Variants in CTNND2 observed in about 807,000 individuals in gnomAD.
CTNND2 encodes the protein catenin delta-2.
A neutral mutation model predicts 144.4 loss-of-function variants in CTNND2; 22 were observed. The observed-to-expected ratio is 0.15, with a 90% CI of 0.11 to 0.22. CTNND2 has a LOEUF of 0.22. CTNND2 is among the 10% of genes least tolerant of loss of function. The pLI, the probability that CTNND2 is intolerant of heterozygous loss-of-function variation, is 1.00. For synonymous variants in CTNND2, 751 were observed against 695.6 expected, an observed-to-expected ratio of 1.08 and a Z score of -1.25; for missense variants, 1,353 against 1,618.8, an observed-to-expected ratio of 0.84 and a Z score of 2.82.
intron 18 of CTNND2, among the ~76,000 whole-genome samples, chr5:11,008,272 G>C (rs1561162909): frequency 6.6e-6 from 1 of 152,224 alleles, no homozygotes; most frequent in African/African-American, 2.4e-5. Context: ...TTGCAGATGT[G>C]ATGAAGTTAA....
intron 9 of CTNND2, among the ~76,000 whole-genome samples, chr5:11,279,507 C>T (rs1275815481): frequency 6.6e-6 from 1 of 152,118 alleles, no homozygotes; most frequent in East Asian, 1.9e-4. Flanking sequence ...TGATCTTACC[C>T]CCTGGAGTAT....
chr5:11,219,464 G>A (rs1239593695), intron 10 of CTNND2, among the ~76,000 whole-genome samples: 1 of 152,130 alleles, frequency 6.6e-6, no homozygotes, highest in Non-Finnish European at 1.5e-5. Flanking sequence ...CAGTGGACAA[G>A]TACTTCTATG....
intron 3 of CTNND2, among the ~76,000 whole-genome samples, chr5:11,542,864 TG>T (rs531820587): frequency 3.3e-4 from 50 of 152,326 alleles, no homozygotes; most frequent in Non-Finnish European, 5.9e-4. Context: ...GCTACACTTT[TG>T]GGGAGGTCAG....
intron 3 of CTNND2, among the ~76,000 whole-genome samples, chr5:11,557,099 T>C (rs1231657378): frequency 6.6e-6 from 1 of 152,196 alleles, no homozygotes; most frequent in Non-Finnish European, 1.5e-5. Flanking sequence ...TGTCACAGAA[T>C]AAAATTTATT....
At chr5:11,255,670 C>T (rs902741770) in intron 9 of CTNND2, among the ~76,000 whole-genome samples, 22 of 152,054 alleles carry the variant, frequency 1.4e-4, no homozygotes, top group African/African-American at 5.1e-4. Context: ...CATGGAGGAA[C>T]ACAAATCTTT....
chr5:11,411,803 C>G lies in CTNND2; in HGVS notation c.323-151G>C, dbSNP rs572523540. On this transcript the variant is annotated intron_variant, in intron 4 of 21. Transcript: ENST00000304623. Reference sequence around the variant, plus strand: ...TATTCCATTTTAATTTTTGGTCAACCAACATTAAAGCCAAGGTCAGCAATT... The same window carrying G: ...TATTCCATTTTAATTTTTGGTCAACGAACATTAAAGCCAAGGTCAGCAATT... The G allele has an allele frequency of 2.7e-5, 19 of 709,794 alleles. No individual in the cohort carries two copies. The South Asian group carries it at 3.2e-4, about 12-fold the overall frequency. 44.0% of individuals were successfully genotyped at this position (709,794 alleles called of 1,614,324 possible).
intron 1 of CTNND2, among the ~76,000 whole-genome samples, chr5:11,739,691 C>A (rs144934046): frequency 0.012 from 1,887 of 152,086 alleles, 39 homozygotes; most frequent in African/African-American, 0.044. Flanking sequence ...AGTTCTGGCC[C>A]GGGCAATCAG....
At chr5:11,515,910 G>A (rs1340015271) in intron 3 of CTNND2, among the ~76,000 whole-genome samples, 1 of 151,964 alleles carries the variant, frequency 6.6e-6, no homozygotes, top group Non-Finnish European at 1.5e-5. Flanking sequence ...AACCAGCCTG[G>A]GCAACATAGC....
intron 1 of CTNND2, among the ~76,000 whole-genome samples, chr5:11,836,403 T>C (rs1196194462): frequency 6.6e-6 from 1 of 152,128 alleles, no homozygotes; most frequent in African/African-American, 2.4e-5. Flanking sequence ...TCAGTAGGCA[T>C]GGTAGGGAAG....
intron 3 of CTNND2, among the ~76,000 whole-genome samples, chr5:11,453,646 A>G (rs1474869294): frequency 6.6e-6 from 1 of 152,216 alleles, no homozygotes; most frequent in Non-Finnish European, 1.5e-5. Context: ...ATATTCAAAG[A>G]ACATATAACC....
At chr5:11,240,128 AAC>A (rs1395153525) in intron 9 of CTNND2, among the ~76,000 whole-genome samples, 1 of 145,530 alleles carries the variant, frequency 6.9e-6, no homozygotes. Context: ...ACACACCCCC[AAC>A]ACACACACCC....
At chr5:11,547,007 T>C (rs1000968069) in intron 3 of CTNND2, among the ~76,000 whole-genome samples, 7 of 152,110 alleles carry the variant, frequency 4.6e-5, no homozygotes, top group South Asian at 4.1e-4. Flanking sequence ...GCACAGTGGC[T>C]CAAACCTGTA....
intron 9 of CTNND2, among the ~76,000 whole-genome samples, chr5:11,326,994 T>C (rs777238492): frequency 6.6e-6 from 1 of 152,188 alleles, no homozygotes; most frequent in Non-Finnish European, 1.5e-5. Context: ...TGACTTCTGA[T>C]GATTGTCCTC....
chr5:11,465,525 A>T (rs931724189), intron 3 of CTNND2, among the ~76,000 whole-genome samples: 1 of 152,220 alleles, frequency 6.6e-6, no homozygotes, highest in African/African-American at 2.4e-5. Flanking sequence ...CAAAAGTGAC[A>T]CAGCTTTCCT....
At position 10,988,264 on chromosome 5, in the gene CTNND2, G is replaced by A. The variant is rs767614905; in HGVS notation, c.3212-22C>T. Reference sequence around the variant, plus strand: ...CTTGCTACATAAAGAAATCAAAAGGGGGATTTTCTGCATCTCATCCCACAG... The same window carrying A: ...CTTGCTACATAAAGAAATCAAAAGGAGGATTTTCTGCATCTCATCCCACAG... On this transcript the variant is annotated intron_variant, in intron 19 of 21. Transcript: ENST00000304623. The surrounding 1 kb of genome is among the most constrained non-coding windows in gnomAD (Gnocchi z 5.9). 5.0e-6 allele frequency: 8 copies of A among 1,613,858 alleles called. No individual in the cohort carries two copies. In the East Asian group the frequency reaches 6.7e-5, roughly 13 times the overall value.
At chr5:11,687,014 T>C (rs1784686046) in intron 2 of CTNND2, among the ~76,000 whole-genome samples, 1 of 152,078 alleles carries the variant, frequency 6.6e-6, no homozygotes, top group Non-Finnish European at 1.5e-5. Flanking sequence ...ACTTGTGCTA[T>C]GATTCAGTCC....
chr5:11,255,267 T>C (rs1446608798), intron 9 of CTNND2, among the ~76,000 whole-genome samples: 2 of 152,204 alleles, frequency 1.3e-5, no homozygotes, highest in South Asian at 2.1e-4. Context: ...TGTCCATGCA[T>C]CTCAGTTGCA....
chr5:11,823,572 G>A (rs1793436702), intron 1 of CTNND2, among the ~76,000 whole-genome samples: 1 of 152,042 alleles, frequency 6.6e-6, no homozygotes, highest in Non-Finnish European at 1.5e-5. Flanking sequence ...TAGCTGTTAT[G>A]CAGCTCATTT....
chr5:11,473,948 C>T (rs1350120073), intron 3 of CTNND2, among the ~76,000 whole-genome samples: 2 of 152,234 alleles, frequency 1.3e-5, no homozygotes, highest in Admixed American at 6.5e-5. Flanking sequence ...TAAGCTTCCG[C>T]ATCATCTTGT....
Sources: gnomAD v4.1 joint callset for allele counts (sites outside exome capture counted in the v4.1 genomes callset) on GRCh38, gnomAD v4.1.1 for gene constraint, Gnocchi (gnomAD v3.1) non-coding constraint, MANE v1.5 for transcripts, NCBI Gene and HGNC (gene_info 2026-07-23, HGNC 2026-07-21) for gene names.